Variants in KLRG1 observed in about 807,000 individuals in gnomAD.
KLRG1 encodes killer cell lectin-like receptor subfamily G member 1.
Under a neutral mutation model 21.8 loss-of-function variants are expected in KLRG1, and 16 were observed. The ratio of observed to expected loss-of-function variants is 0.73; its 90% CI spans 0.50 to 1.11. KLRG1 has a LOEUF of 1.11. Among genes scored for constraint, KLRG1 ranks in the 50% most tolerant of loss-of-function variants. The pLI, the probability that KLRG1 is intolerant of heterozygous loss-of-function variation, is 0.00. For missense variants in KLRG1, 173 were observed against 218.3 expected (o/e 0.79, Z 1.31); for synonymous variants, 69 against 75.9 (o/e 0.91, Z 0.47).
At chr12:9,013,704 A>T (rs1947662277), downstream of KLRG1, among the ~76,000 whole-genome samples, 1 of 152,036 alleles carries the variant, frequency 6.6e-6, no homozygotes, top group Admixed American at 6.6e-5. Flanking sequence ...TATTCACTAT[A>T]ATGAGAATAG....
At chr12:9,052,749 T>C in the KLRG1 span, 1 of 420,098 alleles carries the variant, frequency 2.4e-6, no homozygotes, top group Non-Finnish European at 4.6e-6. Flanking sequence ...TGGGAAAGTT[T>C]CTGAACTTCT....
intron 1 of KLRG1, among the ~76,000 whole-genome samples, chr12:8,969,462 C>T (rs1028479333): frequency 6.6e-6 from 1 of 151,930 alleles, no homozygotes. Context: ...TTGCAGGCTT[C>T]TCCTTGGCAG....
chr12:9,164,311 C>G, the KLRG1 span: 18 of 1,572,276 alleles, frequency 1.1e-5, no homozygotes, highest in African/African-American at 2.4e-4. Context: ...TGGAACGACA[C>G]GAACACATAG....
At chr12:9,151,392 A>G in the KLRG1 span, among the ~76,000 whole-genome samples, 2 of 152,244 alleles carry the variant, frequency 1.3e-5, no homozygotes, top group East Asian at 1.9e-4. Context: ...TCATAGAAAT[A>G]TTCATATTCC....
chr12:9,158,435 G>A, the KLRG1 span: 19 of 1,614,004 alleles, frequency 1.2e-5, no homozygotes, highest in Admixed American at 2.8e-4. Flanking sequence ...TGGCATTGTT[G>A]AGCAGTGACC....
chr12:9,206,536 C>T, the KLRG1 span, among the ~76,000 whole-genome samples: 1 of 152,176 alleles, frequency 6.6e-6, no homozygotes, highest in African/African-American at 2.4e-5. Flanking sequence ...CTAAATGTAG[C>T]AAATATTAAA....
the KLRG1 span, among the ~76,000 whole-genome samples, chr12:9,033,062 T>C: frequency 6.6e-6 from 1 of 152,222 alleles, no homozygotes; most frequent in African/African-American, 2.4e-5. Context: ...GAATTGATTT[T>C]GCCTGTGCAG....
At chr12:9,065,879 A>G in the KLRG1 span, 2 of 152,302 alleles carry the variant, frequency 1.3e-5, no homozygotes, top group African/African-American at 4.8e-5. Flanking sequence ...CTACCTGTGG[A>G]GAGAAACTAC....
the KLRG1 span, among the ~76,000 whole-genome samples, chr12:9,188,832 A>G: frequency 6.6e-6 from 1 of 152,214 alleles, no homozygotes; most frequent in East Asian, 1.9e-4. Context: ...GAGGTGAAAG[A>G]TCTATACAAT....
the KLRG1 span, among the ~76,000 whole-genome samples, chr12:9,096,383 A>T: frequency 1.3e-5 from 2 of 152,168 alleles, no homozygotes; most frequent in African/African-American, 2.4e-5. Context: ...TGATAGAAGG[A>T]AATGATAGTT....
chr12:9,106,368 G>C, the KLRG1 span: 15 of 1,540,742 alleles, frequency 9.7e-6, no homozygotes, highest in Non-Finnish European at 1.3e-5. Flanking sequence ...AAAAAAATCT[G>C]TTATTTTTGG....
At chr12:9,030,053 C>G in the KLRG1 span, among the ~76,000 whole-genome samples, 1 of 152,156 alleles carries the variant, frequency 6.6e-6, no homozygotes, top group Non-Finnish European at 1.5e-5. Flanking sequence ...TGTGCCCGGC[C>G]CTCTCTTAAG....
chr12:9,009,014 A>G lies in KLRG1; in HGVS notation c.397A>G (p.Ile133Val). 1.9e-6 allele frequency: 3 copies of G among 1,613,798 alleles called. No homozygotes were observed. The highest frequency in any genetic ancestry group is 2.5e-6 in the Non-Finnish European group (3 of 1,179,880). ...QVFLSEAFCW[I>V]GLRNNSGWRW... ...TTTCCTCAGTGAGGCCTTTTGCTGG[A>G]TTGGTCTGAGGAACAATTCTGGCTG... is the stretch of plus-strand genomic sequence containing the variant. Residue 133 changes from isoleucine to valine, a missense_variant, in exon 4 of 5, where the codon ATT becomes GTT. This residue lies in a region of KLRG1 where 144 missense variants were observed against 161.5 expected (regional missense o/e 0.89). Transcript: ENST00000356986.
the KLRG1 span, among the ~76,000 whole-genome samples, chr12:9,114,011 T>C: frequency 2.0e-5 from 3 of 152,322 alleles, no homozygotes; most frequent in East Asian, 5.8e-4. Flanking sequence ...GAAAATTGTA[T>C]GGTAAGCACT....
At chr12:9,162,656 G>A in the KLRG1 span, 2 of 1,580,886 alleles carry the variant, frequency 1.3e-6, no homozygotes, top group East Asian at 2.2e-5. Context: ...AGCCTTGGAT[G>A]AAAGGAAAGA....
the KLRG1 span, chr12:9,068,180 T>TA: frequency 6.2e-7 from 1 of 1,612,630 alleles, no homozygotes; most frequent in African/African-American, 1.3e-5. Context: ...GTGAGTGGCT[T>TA]ACCTTTGCTG....
At chr12:9,002,910 T>C (rs1316871956) in intron 3 of KLRG1, among the ~76,000 whole-genome samples, 2 of 144,616 alleles carry the variant, frequency 1.4e-5, no homozygotes, top group Non-Finnish European at 1.5e-5. Flanking sequence ...CTCTTTCTAA[T>C]ACACACACAC....
chr12:9,121,164 GC>G, the KLRG1 span, among the ~76,000 whole-genome samples: 1 of 152,056 alleles, frequency 6.6e-6, no homozygotes, highest in African/African-American at 2.4e-5. The surrounding 1 kb of genome is among the most constrained non-coding windows in gnomAD (Gnocchi z 4.4). Context: ...AGGGTTACAG[GC>G]ATGAACCATC....
chr12:9,081,859 T>C, the KLRG1 span, among the ~76,000 whole-genome samples: 2 of 152,226 alleles, frequency 1.3e-5, no homozygotes, highest in East Asian at 3.9e-4. Flanking sequence ...GTGACCAGCA[T>C]GTGGATTTTG....
Sources: gnomAD v4.1 joint callset for allele counts (sites outside exome capture counted in the v4.1 genomes callset) on GRCh38, gnomAD v4.1.1 for gene constraint, gnomAD v4.1.1 regional missense constraint, Gnocchi (gnomAD v3.1) non-coding constraint, MANE v1.5 for transcripts, NCBI Gene and HGNC (gene_info 2026-07-23, HGNC 2026-07-21) for gene names.